Variants in LRP1B observed in about 807,000 individuals in gnomAD.
LRP1B encodes the protein LDL receptor related protein 1B.
A neutral mutation model predicts 556.6 loss-of-function variants in LRP1B; 217 were observed. The observed-to-expected ratio is 0.39, with a 90% CI of 0.35 to 0.44. LRP1B has a LOEUF of 0.44. Among genes scored for constraint, LRP1B ranks in the 20% least tolerant of loss-of-function variants. The pLI, the probability that LRP1B is intolerant of heterozygous loss-of-function variation, is 1.00. For missense variants in LRP1B, 5,053 were observed against 5,620.8 expected, an observed-to-expected ratio of 0.90 and a Z score of 3.23; for synonymous variants, 2,047 against 1,865.8, an observed-to-expected ratio of 1.10 and a Z score of -2.50.
Position 140,471,344 on chromosome 2 carries a change from T to A in LRP1B, c.9625+3794A>T, listed in dbSNP as rs189774880. On this transcript the variant is annotated intron_variant, in intron 60 of 90. Transcript: ENST00000389484. The stretch of plus-strand genomic sequence containing the variant: ...CACTTTTGCTCTTAAAATTAACGCA[T>A]CTCCCACCAAAATAGAGCATCATAA... Among the ~76,000 whole-genome samples the A allele has an allele frequency of 2.6e-3, 391 of 152,212 alleles. 3 individuals are homozygous for A. Among genetic ancestry groups the A allele is most frequent in the African/African-American group, 9.0e-3 (375 of 41,544 alleles).
rs16844578 is a variant in LRP1B at position 140,711,686 on chromosome 2, T to C, written c.6023+4287A>G. On this transcript the variant is annotated intron_variant, in intron 37 of 90. Transcript: ENST00000389484. Reference sequence around the variant, plus strand: ...GCTGGAAAATTATTTGATTCATTATTGTGGAAAATATTTGCTACAATAGCT... The same window carrying C: ...GCTGGAAAATTATTTGATTCATTATCGTGGAAAATATTTGCTACAATAGCT... Among the ~76,000 whole-genome samples the C allele has an allele frequency of 5.4e-3, 827 of 152,264 alleles. 41 individuals carry two copies. In the East Asian group the frequency reaches 0.12, roughly 23 times the overall value.
intron 87 of LRP1B, among the ~76,000 whole-genome samples, chr2:140,245,629 G>T (rs1179765673): frequency 1.3e-5 from 2 of 151,228 alleles, no homozygotes; most frequent in African/African-American, 2.4e-5. Context: ...GTTGAGTTTT[G>T]CAAATAGTTT....
At chr2:140,509,165 T>C (rs1574019535) in intron 52 of LRP1B, among the ~76,000 whole-genome samples, 1 of 151,544 alleles carries the variant, frequency 6.6e-6, no homozygotes, top group African/African-American at 2.4e-5. Flanking sequence ...AGGCAGGCCA[T>C]TGGAGAGATG....
intron 7 of LRP1B, among the ~76,000 whole-genome samples, chr2:141,102,338 C>T (rs1265953456): frequency 6.6e-6 from 1 of 152,094 alleles, no homozygotes; most frequent in East Asian, 1.9e-4. Flanking sequence ...TTATATTGTA[C>T]AGGTCATACT....
At position 141,864,486 on chromosome 2, in the gene LRP1B, AAC is replaced by A. The variant is rs1230879249; in HGVS notation, c.83-54087_83-54086del. 3.9e-5 allele frequency among the ~76,000 whole-genome samples: 6 copies of A among 152,222 alleles called. No homozygotes were observed. The East Asian group carries it at 1.2e-3, about 29-fold the overall frequency. ...AAGAAGTCTGCAATGTGCACTCAGCAACAGTGTTCAAACATTATTAAAATAAG... is the reference window on the plus strand; with the variant it reads ...AAGAAGTCTGCAATGTGCACTCAGCAAGTGTTCAAACATTATTAAAATAAG... On this transcript the variant is annotated intron_variant, in intron 1 of 90. Coordinates refer to ENST00000389484, the MANE Select transcript of LRP1B (RefSeq NM_018557.3).
chr2:141,055,228 A>G lies in LRP1B; in HGVS notation c.1440T>C (p.Tyr480=). ...VRSHACEVDP[Y]GMPGGCSHIC... ...TGTGTGAACAGCCCCCTGGCATTCC[A>G]TATGGATCGACTTCACATGCATGGC... The change falls in exon 10 of 91, where the codon TAT becomes TAC. Residue 480 remains tyrosine, a synonymous_variant. Transcript: ENST00000389484. The G allele has an allele frequency of 6.2e-7, 1 of 1,611,358 alleles. No individual in the cohort carries two copies. Among genetic ancestry groups the G allele is most frequent in the Non-Finnish European group, 8.5e-7 (1 of 1,178,512 alleles).
chr2:141,110,511 T>C (rs1363925195), intron 7 of LRP1B, among the ~76,000 whole-genome samples: 3 of 152,172 alleles, frequency 2.0e-5, no homozygotes, highest in East Asian at 3.9e-4. Context: ...TGTTAGGAGC[T>C]TATATATCTA....
At position 140,268,892 on chromosome 2, in the gene LRP1B, C is replaced by T. The variant is rs77742974; in HGVS notation, c.13247+1350G>A. On this transcript the variant is annotated intron_variant, in intron 86 of 90. Transcript: ENST00000389484. ...TAAAATTTTGGGAAACAAAATAGAGCGCTTCATCTGTGCTTGAAATCAAAA... is the reference window on the plus strand; with the variant it reads ...TAAAATTTTGGGAAACAAAATAGAGTGCTTCATCTGTGCTTGAAATCAAAA... Among the ~76,000 whole-genome samples, 1,168 of 151,812 alleles carry T rather than the reference C, an allele frequency of 7.7e-3. 16 individuals are homozygous for T. Among genetic ancestry groups the T allele is most frequent in the African/African-American group, 0.026 (1,080 of 41,470 alleles).
intron 7 of LRP1B, among the ~76,000 whole-genome samples, chr2:141,100,224 C>T (rs1700424904): frequency 6.6e-6 from 1 of 152,160 alleles, no homozygotes; most frequent in African/African-American, 2.4e-5. Context: ...TCAGAGTAAA[C>T]TCTGCCATGG....
At chr2:140,473,444 CAT>C (rs1393026622) in intron 60 of LRP1B, among the ~76,000 whole-genome samples, 1 of 151,924 alleles carries the variant, frequency 6.6e-6, no homozygotes, top group East Asian at 1.9e-4. Context: ...ACCTGTTACA[CAT>C]GTCTCTCTAT....
intron 1 of LRP1B, among the ~76,000 whole-genome samples, chr2:142,065,451 T>C (rs762890221): frequency 6.6e-6 from 1 of 151,226 alleles, no homozygotes; most frequent in Admixed American, 6.6e-5. Context: ...TTTCATAGAT[T>C]GCCACATCTC....
intron 35 of LRP1B, among the ~76,000 whole-genome samples, chr2:140,741,401 A>G (rs1290295903): frequency 6.6e-6 from 1 of 151,848 alleles, no homozygotes; most frequent in East Asian, 1.9e-4. Flanking sequence ...CAAGTTGCCA[A>G]CATGACTCTG....
chr2:140,759,976 A>C (rs1043134084), intron 35 of LRP1B, among the ~76,000 whole-genome samples: 2 of 152,188 alleles, frequency 1.3e-5, no homozygotes, highest in Non-Finnish European at 2.9e-5. Context: ...GATTTGGCTT[A>C]AGTTACTATA....
chr2:140,631,494 T>C (rs1200506430), intron 41 of LRP1B, among the ~76,000 whole-genome samples: 1 of 152,076 alleles, frequency 6.6e-6, no homozygotes, highest in Non-Finnish European at 1.5e-5. Flanking sequence ...GTGGTGGAAA[T>C]AAAAAACACT....
At chr2:140,518,429 A>T (rs1690011493) in intron 49 of LRP1B, among the ~76,000 whole-genome samples, 1 of 152,176 alleles carries the variant, frequency 6.6e-6, no homozygotes, top group Admixed American at 6.6e-5. Context: ...AGTTAATTTT[A>T]AGATAACTTA....
chr2:141,970,295 T>C (rs1701692283), intron 1 of LRP1B, among the ~76,000 whole-genome samples: 1 of 151,346 alleles, frequency 6.6e-6, no homozygotes, highest in Non-Finnish European at 1.5e-5. Flanking sequence ...AAATGAAAAA[T>C]ACATTTTGTT....
chr2:140,377,957 G>A (rs867630017), intron 68 of LRP1B, among the ~76,000 whole-genome samples: 1 of 152,324 alleles, frequency 6.6e-6, no homozygotes, highest in African/African-American at 2.4e-5. Context: ...CTATTCACCA[G>A]TTGAGGTAAA....
chr2:141,156,137 C>A (rs1451510029), intron 7 of LRP1B, among the ~76,000 whole-genome samples: 1 of 152,080 alleles, frequency 6.6e-6, no homozygotes, highest in African/African-American at 2.4e-5. Flanking sequence ...AAAACAAAAG[C>A]ACTAACCATA....
chr2:140,478,103 C>T (rs1043804693), intron 59 of LRP1B, among the ~76,000 whole-genome samples: 24 of 148,958 alleles, frequency 1.6e-4, no homozygotes, highest in Admixed American at 1.3e-3. Flanking sequence ...AGAAAAATGA[C>T]GTTTTATTTC....
Sources: allele counts gnomAD v4.1 joint callset (sites outside exome capture counted in the v4.1 genomes callset), GRCh38; gene constraint gnomAD v4.1.1; transcripts MANE v1.5; gene names NCBI Gene and HGNC (gene_info 2026-07-23, HGNC 2026-07-21).